SH3GL2: variants seen among roughly 807,000 people sequenced by gnomAD.
SH3GL2 encodes the protein endophilin-A1.
SH3GL2 carries 24 observed loss-of-function variants against 46.0 expected under a neutral mutation model. That is an observed-to-expected ratio of 0.52 (90% CI 0.38 to 0.73). SH3GL2 has a LOEUF of 0.73. SH3GL2 is among the 30% of genes least tolerant of loss of function. The pLI is 0.00. For synonymous variants in SH3GL2, 196 were observed against 147.1 expected, an observed-to-expected ratio of 1.33 and a Z score of -2.40; for missense variants, 413 against 424.2, an observed-to-expected ratio of 0.97 and a Z score of 0.23.
At chr9:17,730,174 C>T (rs1208913273) in intron 1 of SH3GL2, among the ~76,000 whole-genome samples, 3 of 152,148 alleles carry the variant, frequency 2.0e-5, no homozygotes, top group Non-Finnish European at 4.4e-5. Context: ...AGAGGTCCTT[C>T]ACATCCCTTG....
At chr9:17,669,441 C>T (rs1233400763) in intron 1 of SH3GL2, among the ~76,000 whole-genome samples, 1 of 152,124 alleles carries the variant, frequency 6.6e-6, no homozygotes, top group African/African-American at 2.4e-5. Flanking sequence ...TTTCATCTTC[C>T]CTAGCCTCTG....
chr9:17,741,675 C>G (rs1036211145), intron 1 of SH3GL2, among the ~76,000 whole-genome samples: 1 of 152,192 alleles, frequency 6.6e-6, no homozygotes, highest in Non-Finnish European at 1.5e-5. Flanking sequence ...TATATATTTT[C>G]TGCTCTGCTC....
At chr9:17,715,855 T>C (rs1821743148) in intron 1 of SH3GL2, among the ~76,000 whole-genome samples, 1 of 152,056 alleles carries the variant, frequency 6.6e-6, no homozygotes, top group South Asian at 2.1e-4. Context: ...AGCCTGTAGA[T>C]GAGCAAGTTC....
rs990224131 is a variant in SH3GL2 at position 17,579,071 on chromosome 9, A to G, written c.-172A>G. 8 of 467,906 alleles carry G rather than the reference A, an allele frequency of 1.7e-5. No homozygotes were observed. Among genetic ancestry groups the G allele is most frequent in the Non-Finnish European group, 2.2e-5 (6 of 269,472 alleles). The allele number at this position is 467,906 out of a possible 1,614,324, so 29.0% of individuals were successfully genotyped here. A position where few individuals can be genotyped will look rare whatever the true frequency, so the allele number is the denominator to read the frequency against. ...CCGCATCACCCGCCCTTGACGTCAGAGTGTTTCTCCGCAAGAGCCCGTGTC... is the reference window on the plus strand; with the variant it reads ...CCGCATCACCCGCCCTTGACGTCAGGGTGTTTCTCCGCAAGAGCCCGTGTC... On this transcript the variant is annotated 5_prime_UTR_variant, in exon 1 of 9. Coordinates refer to ENST00000380607, the MANE Select transcript of SH3GL2 (RefSeq NM_003026.5).
rs16935833 is a variant in SH3GL2, at chr9:17,649,658, A to C, written c.45+70371A>C. On this transcript the variant is annotated intron_variant, in intron 1 of 8. Coordinates refer to ENST00000380607, the MANE Select transcript of SH3GL2 (RefSeq NM_003026.5). ...TGCTTTATTAGAGTAACTGCAAATG[A>C]GGCAACAAAATTTTTCTTTTGGCAA... Among the ~76,000 whole-genome samples, 1,103 of 152,350 alleles carry C rather than the reference A, an allele frequency of 7.2e-3. 24 individuals carry two copies. Among genetic ancestry groups the C allele is most frequent in the African/African-American group, 0.026 (1,072 of 41,584 alleles).
intron 1 of SH3GL2, among the ~76,000 whole-genome samples, chr9:17,641,590 T>A (rs1237674382): frequency 6.6e-6 from 1 of 152,092 alleles, no homozygotes; most frequent in East Asian, 1.9e-4. Context: ...TCCCTTCCCT[T>A]GCCCCACATT....
intron 1 of SH3GL2, among the ~76,000 whole-genome samples, chr9:17,738,673 GAT>G (rs1563833958): frequency 1.4e-4 from 21 of 144,944 alleles, no homozygotes; most frequent in African/African-American, 5.0e-4. Flanking sequence ...GAGAGAGAGA[GAT>G]AATTTTATTT....
chr9:17,669,768 T>C (rs1438400084), intron 1 of SH3GL2, among the ~76,000 whole-genome samples: 1 of 152,100 alleles, frequency 6.6e-6, no homozygotes, highest in African/African-American at 2.4e-5. Context: ...GATAAATGCT[T>C]ATGAGGGTGA....
chr9:17,738,568 A>ATGTGTGTGTG (rs1462735436), intron 1 of SH3GL2, among the ~76,000 whole-genome samples: 4 of 64,644 alleles, frequency 6.2e-5, no homozygotes, highest in Non-Finnish European at 1.4e-4. Context: ...ATACATACAT[A>ATGTGTGTGTG]TATATATAGA....
intron 1 of SH3GL2, among the ~76,000 whole-genome samples, chr9:17,666,574 GTGTGTA>G (rs990549019): frequency 6.4e-5 from 9 of 139,696 alleles, no homozygotes; most frequent in African/African-American, 2.1e-4. Context: ...GTGTGTGTGT[GTGTGTA>G]TATACATTAA....
At chr9:17,731,288 T>C (rs2118416347) in intron 1 of SH3GL2, among the ~76,000 whole-genome samples, 1 of 152,008 alleles carries the variant, frequency 6.6e-6, no homozygotes, top group South Asian at 2.1e-4. Context: ...CCTAATGTGA[T>C]GGTATTTGGA....
At chr9:17,726,447 G>A (rs984207479) in intron 1 of SH3GL2, among the ~76,000 whole-genome samples, 2 of 152,190 alleles carry the variant, frequency 1.3e-5, no homozygotes, top group Non-Finnish European at 2.9e-5. Flanking sequence ...TTCACAAGGA[G>A]TGATGCAAAC....
chr9:17,724,401 C>A (rs748187712), intron 1 of SH3GL2, among the ~76,000 whole-genome samples: 1 of 152,092 alleles, frequency 6.6e-6, no homozygotes, highest in African/African-American at 2.4e-5. Flanking sequence ...ACTTTACTTC[C>A]GTAGGCATGG....
Position 17,619,690 on chromosome 9 carries a change from AAAT to A in SH3GL2, c.45+40406_45+40408del, listed in dbSNP as rs1229916019. Among the ~76,000 whole-genome samples, 619 of 152,020 alleles carry A rather than the reference AAAT, an allele frequency of 4.1e-3. 5 individuals carry two copies. Among genetic ancestry groups the A allele is most frequent in the African/African-American group, 0.014 (594 of 41,322 alleles). On this transcript the variant is annotated intron_variant, in intron 1 of 8. Coordinates refer to ENST00000380607, the MANE Select transcript of SH3GL2 (RefSeq NM_003026.5). Reference sequence around the variant, plus strand: ...GAAACTCCATCTCAAAAAAAAAATAAAATAAAATAAGTGAGTGAACCATAAATT... The same window carrying A: ...GAAACTCCATCTCAAAAAAAAAATAAAAAATAAGTGAGTGAACCATAAATT...
intron 1 of SH3GL2, among the ~76,000 whole-genome samples, chr9:17,656,789 A>AAAAAAAAAAAAAAC (rs1820090039): frequency 6.8e-6 from 1 of 147,974 alleles, no homozygotes. Flanking sequence ...AAAAAAAAAC[A>AAAAAAAAAAAAAAC]AAAAAGGCTT....
intron 1 of SH3GL2, among the ~76,000 whole-genome samples, chr9:17,729,677 A>G (rs983764864): frequency 8.5e-5 from 13 of 152,164 alleles, no homozygotes; most frequent in Non-Finnish European, 1.3e-4. Flanking sequence ...TTGTCTGCAT[A>G]TGGGTAGCCA....
chr9:17,660,073 T>A (rs747855651), intron 1 of SH3GL2, among the ~76,000 whole-genome samples: 4 of 152,216 alleles, frequency 2.6e-5, no homozygotes, highest in Non-Finnish European at 5.9e-5. Context: ...TTAGTGTCTT[T>A]GAGTTAGAGT....
intron 2 of SH3GL2, 46 bp downstream of exon 2, chr9:17,747,180 C>G (rs1822715463): frequency 8.4e-7 from 1 of 1,196,930 alleles, no homozygotes. Flanking sequence ...ATAAACATGT[C>G]TACCATAATT....
chr9:17,673,103 T>G (rs765055031), intron 1 of SH3GL2, among the ~76,000 whole-genome samples: 3 of 151,944 alleles, frequency 2.0e-5, no homozygotes, highest in Admixed American at 6.6e-5. Flanking sequence ...CCCTAATAAA[T>G]CTTCCCTCTC....
Sources: allele counts gnomAD v4.1 joint callset (sites outside exome capture counted in the v4.1 genomes callset), GRCh38; gene constraint gnomAD v4.1.1; transcripts MANE v1.5; gene names NCBI Gene and HGNC (gene_info 2026-07-23, HGNC 2026-07-21).